Variants in GRK5 observed in about 807,000 individuals in gnomAD.
GRK5 encodes g protein-coupled receptor kinase GRK5.
GRK5 carries 40 observed loss-of-function variants against 78.4 expected under a neutral mutation model. The ratio of observed to expected loss-of-function variants is 0.51; its 90% CI spans 0.40 to 0.66. The LOEUF (loss-of-function observed/expected upper bound fraction) is 0.66. GRK5 is among the 30% of genes least tolerant of loss of function. The pLI, the probability that GRK5 is intolerant of heterozygous loss-of-function variation, is 0.00. For synonymous variants in GRK5, 289 were observed against 296.8 expected (o/e 0.97, Z 0.27); for missense variants, 598 against 759.9 (o/e 0.79, Z 2.50).
intron 4 of GRK5, among the ~76,000 whole-genome samples, chr10:119,399,755 T>A (rs1852117999): frequency 6.6e-6 from 1 of 152,164 alleles, no homozygotes; most frequent in Non-Finnish European, 1.5e-5. Flanking sequence ...TTTTTTCAAT[T>A]TTCCATTCTG....
At chr10:119,306,282 C>T (rs549509497) in intron 1 of GRK5, among the ~76,000 whole-genome samples, 101 of 152,324 alleles carry the variant, frequency 6.6e-4, no homozygotes, top group African/African-American at 2.1e-3. Flanking sequence ...CTGTTTCCCC[C>T]GTTTTGTTGA....
chr10:119,240,217 T>C (rs1235301272), intron 1 of GRK5, among the ~76,000 whole-genome samples: 2 of 143,578 alleles, frequency 1.4e-5, no homozygotes, highest in East Asian at 4.1e-4. Flanking sequence ...TTTTTTTTTT[T>C]TGAGACGGAG....
In GRK5 at chr10:119,455,143, C is replaced by CACCAGAGCAGG; in HGVS notation, c.*76_*77insACCAGAGCAGG. 7 of 1,203,438 alleles carry CACCAGAGCAGG rather than the reference C, an allele frequency of 5.8e-6. No homozygotes were observed. Among genetic ancestry groups the CACCAGAGCAGG allele is most frequent in the Non-Finnish European group, 8.6e-6 (7 of 810,622 alleles). The allele number at this position is 1,203,438 out of a possible 1,614,324, so 74.5% of individuals were successfully genotyped here. On this transcript the variant is annotated 3_prime_UTR_variant, in exon 16 of 16. Transcript: ENST00000392870. ...CTTAGAAGTGGAAGTAGTGGAGCCC[C>CACCAGAGCAGG]TGCTCTGGTGGGGCTGCCAGGGGAG... is the stretch of plus-strand genomic sequence containing the variant.
At chr10:119,327,412 C>A (rs993557115) in intron 2 of GRK5, among the ~76,000 whole-genome samples, 1 of 152,192 alleles carries the variant, frequency 6.6e-6, no homozygotes, top group Non-Finnish European at 1.5e-5. Flanking sequence ...TTCCCCATCA[C>A]TGCCTGAGGG....
chr10:119,413,180 G>A (rs1277127151), intron 4 of GRK5, among the ~76,000 whole-genome samples: 1 of 151,874 alleles, frequency 6.6e-6, no homozygotes, highest in Non-Finnish European at 1.5e-5. Context: ...CCGAACCAGG[G>A]CACTTCTCCC....
rs1043766540 is a variant in GRK5, at chr10:119,456,167, TTCACAG to T, written c.*1101_*1106del. ...AGGGGCCCGGCATGTTCCTGAAGCG[TTCACAG>T]GGTTTTGAGACCTTCACAGCCCCAT... On this transcript the variant is annotated 3_prime_UTR_variant, in exon 16 of 16. Coordinates refer to ENST00000392870, the MANE Select transcript of GRK5 (RefSeq NM_005308.3). This position sits in a 1 kb window ranked among gnomAD's most constrained non-coding sequence, Gnocchi z 5.5. 2 of 151,204 alleles carry T rather than the reference TTCACAG, an allele frequency of 1.3e-5. No homozygotes were observed. The highest frequency in any genetic ancestry group is 2.4e-5 in the African/African-American group (1 of 40,994). 9.4% of individuals were successfully genotyped at this position (151,204 alleles called of 1,614,324 possible). A position where few individuals can be genotyped will look rare whatever the true frequency, so the allele number is the denominator to read the frequency against.
rs1431998503 is a variant in GRK5, at chr10:119,322,376, T to C, written c.53-4140T>C. 2.6e-5 allele frequency among the ~76,000 whole-genome samples: 4 copies of C among 152,212 alleles called. No homozygotes were observed. The East Asian group carries it at 5.8e-4, about 22-fold the overall frequency. ...CTGCCAGTAGCACCTCTCCACCCAG[T>C]GGTGACAATTAAAAATGTCTCCAGA... On this transcript the variant is annotated intron_variant, in intron 1 of 15. Transcript: ENST00000392870.
chr10:119,296,466 C>T (rs555771613), intron 1 of GRK5, among the ~76,000 whole-genome samples: 47 of 152,174 alleles, frequency 3.1e-4, no homozygotes, highest in Non-Finnish European at 3.8e-4. Flanking sequence ...AGGCACTGTT[C>T]AATGTCTGCC....
At position 119,290,746 on chromosome 10, in the gene GRK5, T is replaced by A. The variant is rs568202881; in HGVS notation, c.53-35770T>A. Among the ~76,000 whole-genome samples, 3 of 152,070 alleles carry A rather than the reference T, an allele frequency of 2.0e-5. No homozygotes were observed. The South Asian group carries it at 6.2e-4, about 32-fold the overall frequency. On this transcript the variant is annotated intron_variant, in intron 1 of 15. Transcript: ENST00000392870. Reference sequence around the variant, plus strand: ...CCCACCTCCGGGGAGCCTTCTAGATTCCTTGGGCTGGGTTTCCCCTTCTGT... The same window carrying A: ...CCCACCTCCGGGGAGCCTTCTAGATACCTTGGGCTGGGTTTCCCCTTCTGT...
chr10:119,250,542 A>ATTTTTTTT, intron 1 of GRK5, among the ~76,000 whole-genome samples: 1 of 125,608 alleles, frequency 8.0e-6, no homozygotes, highest in African/African-American at 3.0e-5. Context: ...TTGTACAGTC[A>ATTTTTTTT]AGGTCTCACT....
intron 6 of GRK5, among the ~76,000 whole-genome samples, chr10:119,427,787 TCAGCATCACCACCATCAA>T (rs1465025774): frequency 0.079 from 11,882 of 150,286 alleles, 651 homozygotes; most frequent in East Asian, 0.24. Flanking sequence ...ACCACCATCA[TCAGCATCACCACCATCAA>T]CAGCATCACC....
intron 4 of GRK5, among the ~76,000 whole-genome samples, chr10:119,413,205 T>C (rs2133872359): frequency 1.3e-5 from 2 of 152,056 alleles, no homozygotes. Flanking sequence ...CCAGCAACCC[T>C]ATCCTACAGT....
At chr10:119,409,230 A>G (rs1852294852) in intron 4 of GRK5, among the ~76,000 whole-genome samples, 1 of 152,184 alleles carries the variant, frequency 6.6e-6, no homozygotes, top group African/African-American at 2.4e-5. Flanking sequence ...TTGTCCTTCA[A>G]ATAGACACAC....
chr10:119,227,441 C>T (rs957287398), intron 1 of GRK5, among the ~76,000 whole-genome samples: 1 of 152,046 alleles, frequency 6.6e-6, no homozygotes, highest in Admixed American at 6.5e-5. Flanking sequence ...GTGGCGCATG[C>T]CTGTAAACTC....
intron 1 of GRK5, among the ~76,000 whole-genome samples, chr10:119,321,511 T>C (rs1208605833): frequency 6.6e-6 from 1 of 152,206 alleles, no homozygotes; most frequent in Non-Finnish European, 1.5e-5. Flanking sequence ...CAATGGCTGG[T>C]GAGTCTTCGT....
intron 4 of GRK5, among the ~76,000 whole-genome samples, chr10:119,401,321 C>T (rs1192581351): frequency 6.6e-6 from 1 of 152,216 alleles, no homozygotes; most frequent in Non-Finnish European, 1.5e-5. Context: ...TCTCAAGAGG[C>T]AAACCCCACT....
Position 119,245,173 on chromosome 10 carries a change from G to C in GRK5, c.52+37204G>C, listed in dbSNP as rs113604401. Among the ~76,000 whole-genome samples, 553 of 152,242 alleles carry C rather than the reference G, an allele frequency of 3.6e-3. 1 individual carries two copies. The highest frequency in any genetic ancestry group is 0.012 in the African/African-American group (517 of 41,544). On this transcript the variant is annotated intron_variant, in intron 1 of 15. Coordinates refer to ENST00000392870, the MANE Select transcript of GRK5 (RefSeq NM_005308.3). ...TGTGCCTGTAGTCCCAGGTACTCTG[G>C]AGACTGAGGCAGAAGAATCTCTTGA... is the stretch of plus-strand genomic sequence containing the variant.
In GRK5 at chr10:119,266,342, A is replaced by G. The variant is rs952311861; in HGVS notation, c.52+58373A>G. ...TGATGGTGCTCATGCTTGTAATCCC[A>G]GCTACTCGGGAGGCTGAGACGGGAG... On this transcript the variant is annotated intron_variant, in intron 1 of 15. Transcript: ENST00000392870. 1.1e-4 allele frequency among the ~76,000 whole-genome samples: 16 copies of G among 152,036 alleles called. 1 individual carries two copies. The highest frequency in any genetic ancestry group is 2.1e-4 in the Non-Finnish European group (14 of 67,994).
chr10:119,444,338 A>C (rs1212969057), intron 12 of GRK5, among the ~76,000 whole-genome samples: 1 of 152,136 alleles, frequency 6.6e-6, no homozygotes, highest in African/African-American at 2.4e-5. Flanking sequence ...GTGGGGCCAG[A>C]TGGGGGGACT....
Sources: allele counts gnomAD v4.1 joint callset (sites outside exome capture counted in the v4.1 genomes callset), GRCh38; gene constraint gnomAD v4.1.1; non-coding constraint Gnocchi (gnomAD v3.1); transcripts MANE v1.5; gene names NCBI Gene and HGNC (gene_info 2026-07-23, HGNC 2026-07-21).